The following EXT2 variants were observed in gnomAD, a reference collection of about 807,000 sequenced individuals.
The protein encoded by EXT2 is exostosin glycosyltransferase 2, also known as exostosin-2.
Under a neutral mutation model 81.6 loss-of-function variants are expected in EXT2, and 53 were observed. The observed-to-expected ratio is 0.65, with a 90% CI of 0.52 to 0.82. The LOEUF (loss-of-function observed/expected upper bound fraction) is 0.82. EXT2 is among the 40% of genes least tolerant of loss of function. The pLI is 0.00. For missense variants in EXT2, 774 were observed against 910.2 expected (o/e 0.85, Z 1.93); for synonymous variants, 320 against 340.0 (o/e 0.94, Z 0.65).
At chr11:44,215,845 G>A (rs1955710862) in intron 10 of EXT2, among the ~76,000 whole-genome samples, 2 of 151,606 alleles carry the variant, frequency 1.3e-5, no homozygotes, top group African/African-American at 4.8e-5. Context: ...CCTGGAGAGA[G>A]AGGAGTCTTC....
At chr11:44,099,783 T>C (rs1363605936) in intron 1 of EXT2, among the ~76,000 whole-genome samples, 1 of 152,230 alleles carries the variant, frequency 6.6e-6, no homozygotes, top group Non-Finnish European at 1.5e-5. Context: ...TGAAAGGTGA[T>C]GTGGGTGCTC....
intron 10 of EXT2, among the ~76,000 whole-genome samples, chr11:44,219,701 C>G (rs1955761831): frequency 6.6e-6 from 1 of 152,128 alleles, no homozygotes; most frequent in African/African-American, 2.4e-5. Context: ...CACATGGAAC[C>G]TCCTATCTCA....
chr11:44,142,586 C>T (rs936474841), intron 7 of EXT2, among the ~76,000 whole-genome samples: 1 of 152,128 alleles, frequency 6.6e-6, no homozygotes, highest in Non-Finnish European at 1.5e-5. Flanking sequence ...CTATACTGAA[C>T]TTTTTTAAAG....
chr11:44,109,685 G>A (rs1292174643), intron 3 of EXT2, among the ~76,000 whole-genome samples: 1 of 152,128 alleles, frequency 6.6e-6, no homozygotes, highest in Non-Finnish European at 1.5e-5. Flanking sequence ...GGTAATGGGG[G>A]CACGCTGATT....
In EXT2 at chr11:44,108,157, C is replaced by T. The variant is rs757297287; in HGVS notation, c.445C>T (p.Arg149Trp). 79 of 1,613,966 alleles carry T rather than the reference C, an allele frequency of 4.9e-5. No individual in the cohort carries two copies. The highest frequency in any genetic ancestry group is 1.6e-4 in the Middle Eastern group (1 of 6,084). ...TGACTACTACACTGATGACATCAAC[C>T]GGGCCTGTCTGTTTGTTCCCTCCAT... Reference protein sequence around the residue: ...DSDYYTDDINRACLFVPSIDV... With the variant: ...DSDYYTDDINWACLFVPSIDV... Residue 149 changes from arginine (R) to tryptophan (W), a missense_variant, in exon 2 of 14, where the codon CGG (arginine) becomes TGG (tryptophan). This residue lies in a region of EXT2 where 626 missense variants were observed against 670.5 expected (regional missense o/e 0.93). Coordinates refer to ENST00000533608, the MANE Select transcript of EXT2 (RefSeq NM_207122.2).
intron 1 of EXT2, among the ~76,000 whole-genome samples, chr11:44,107,322 CG>C (rs1309185684): frequency 1.3e-5 from 2 of 152,074 alleles, no homozygotes; most frequent in Non-Finnish European, 2.9e-5. Flanking sequence ...AGGCTGGGCG[CG>C]GTGGCTTATG....
Position 44,213,630 on chromosome 11 carries a change from G to A in EXT2, c.1662+6671G>A, listed in dbSNP as rs150389378. ...CTCAATAGGAGAATGGAGATAACAA[G>A]AAAAAACTGGAGAACTTGAAGATAA... On this transcript the variant is annotated intron_variant, in intron 10 of 13. Coordinates refer to ENST00000533608, the MANE Select transcript of EXT2 (RefSeq NM_207122.2). 5.6e-4 allele frequency among the ~76,000 whole-genome samples: 85 copies of A among 152,174 alleles called. 1 individual carries two copies. Among genetic ancestry groups the A allele is most frequent in the East Asian group, 1.9e-4 (1 of 5,180 alleles).
rs2135289396 is a variant in EXT2, at chr11:44,247,248, T to C, written c.*2961T>C. 7.2e-6 allele frequency among the ~76,000 whole-genome samples: 1 copy of C among 139,254 alleles called. No individual in the cohort carries two copies. Among genetic ancestry groups the C allele is most frequent in the Non-Finnish European group, 1.6e-5 (1 of 63,876 alleles). 91.4% of individuals were successfully genotyped at this position (139,254 alleles called of 152,430 possible). On this transcript the variant is annotated 3_prime_UTR_variant, in exon 14 of 14. Coordinates refer to ENST00000533608, the MANE Select transcript of EXT2 (RefSeq NM_207122.2). ...CAGTGATGCTCTGCTGTATCCTTTT[T>C]TTTTTTTTTTTTTTTGAGACAGAGT...
intron 9 of EXT2, among the ~76,000 whole-genome samples, chr11:44,205,847 C>T (rs1955576361): frequency 6.6e-6 from 1 of 152,212 alleles, no homozygotes; most frequent in South Asian, 2.1e-4. Context: ...TTCCTATTCT[C>T]ATTTGACAAA....
chr11:44,122,468 TCA>T (rs978346266), intron 4 of EXT2, among the ~76,000 whole-genome samples: 2 of 152,162 alleles, frequency 1.3e-5, no homozygotes, highest in Non-Finnish European at 2.9e-5. Context: ...GATCTCGCCA[TCA>T]CTAAGTCATC....
At chr11:44,198,145 A>G (rs895548864) in intron 9 of EXT2, 127 bp downstream of exon 9, 3 of 965,114 alleles carry the variant, frequency 3.1e-6, no homozygotes, top group African/African-American at 3.2e-5. Flanking sequence ...GCATGCCTCC[A>G]TTTTTCTCAG....
At chr11:44,191,889 A>G (rs1229673730) in intron 8 of EXT2, among the ~76,000 whole-genome samples, 3 of 152,226 alleles carry the variant, frequency 2.0e-5, no homozygotes, top group Non-Finnish European at 2.9e-5. Context: ...CAATTGACAC[A>G]GAAGCTTAGT....
In EXT2 at chr11:44,247,454, G is replaced by A. The variant is rs901762031; in HGVS notation, c.*3167G>A. 2.0e-5 allele frequency among the ~76,000 whole-genome samples: 3 copies of A among 152,040 alleles called. No homozygotes were observed. Among genetic ancestry groups the A allele is most frequent in the Non-Finnish European group, 2.9e-5 (2 of 67,986 alleles). On this transcript the variant is annotated 3_prime_UTR_variant, in exon 14 of 14. Coordinates refer to ENST00000533608, the MANE Select transcript of EXT2 (RefSeq NM_207122.2). ...TTTAGTAGAGGCAGGGTTTCACCAC[G>A]TTAGCCAGGCTGGTCTCGAACTCCT...
At chr11:44,118,629 G>T (rs947005803) in intron 4 of EXT2, among the ~76,000 whole-genome samples, 4 of 151,918 alleles carry the variant, frequency 2.6e-5, no homozygotes, top group Non-Finnish European at 5.9e-5. Flanking sequence ...CTAATTTTTT[G>T]GATTATCATC....
At chr11:44,102,534 CTTTTTT>C (rs59752163) in intron 1 of EXT2, among the ~76,000 whole-genome samples, 2 of 106,168 alleles carry the variant, frequency 1.9e-5, no homozygotes, top group Admixed American at 1.0e-4. Context: ...CTGTCTCTCT[CTTTTTT>C]TTTTTTTTTT....
rs1316422979 is a variant in EXT2, at chr11:44,210,103, AACAT to A, written c.1662+3149_1662+3152del. On this transcript the variant is annotated intron_variant, in intron 10 of 13. Transcript: ENST00000533608. ...AAGCAGTTTGGAGTTTAAAATGTTA[AACAT>A]ACATCTACCATATGACCAGCCATTC... Among the ~76,000 whole-genome samples, 78 of 152,364 alleles carry A rather than the reference AACAT, an allele frequency of 5.1e-4. 2 individuals carry two copies. Among genetic ancestry groups the A allele is most frequent in the East Asian group, 2.1e-3 (11 of 5,196 alleles).
chr11:44,169,053 C>G (rs1955034210), intron 7 of EXT2, among the ~76,000 whole-genome samples: 1 of 152,002 alleles, frequency 6.6e-6, no homozygotes, highest in Non-Finnish European at 1.5e-5. Flanking sequence ...AACCCCATCT[C>G]TACTAAAAAT....
At position 44,171,738 on chromosome 11, in the gene EXT2, C is replaced by T. The variant is rs1335016679; in HGVS notation, c.1301C>T (p.Ala434Val). The T allele has an allele frequency of 6.2e-6, 10 of 1,613,788 alleles. No homozygotes were observed. The African/African-American group carries it at 1.2e-4, about 19-fold the overall frequency. The change falls in exon 8 of 14, where the codon GCT becomes GTT. Residue 434 changes from alanine to valine, a missense_variant. By Grantham distance (64) the Ala-to-Val change is moderately conservative. This residue lies in a region of EXT2 where 626 missense variants were observed against 670.5 expected (regional missense o/e 0.93). Transcript: ENST00000533608. ...TATGAAGAATGGAATGACCCTCCTG[C>T]TGTGGTAAGTGAATTCCAGTGCTAG... Reference protein sequence around the residue: ...ISYEEWNDPPAVKWGSVSNPL... With the variant: ...ISYEEWNDPPVVKWGSVSNPL...
intron 8 of EXT2, among the ~76,000 whole-genome samples, chr11:44,183,686 T>G (rs1199653572): frequency 6.6e-6 from 1 of 152,170 alleles, no homozygotes; most frequent in African/African-American, 2.4e-5. Context: ...TTTTCACATC[T>G]ATTTTCCTAT....
Sources: gnomAD v4.1 joint callset for allele counts (sites outside exome capture counted in the v4.1 genomes callset) on GRCh38, gnomAD v4.1.1 for gene constraint, gnomAD v4.1.1 regional missense constraint, MANE v1.5 for transcripts, NCBI Gene and HGNC (gene_info 2026-07-23, HGNC 2026-07-21) for gene names.